BCKDHB: variants seen among roughly 807,000 people sequenced by gnomAD.
BCKDHB encodes branched chain keto acid dehydrogenase E1 subunit beta.
In BCKDHB, 41 loss-of-function variants were observed where a neutral mutation model predicts 48.5. The ratio of observed to expected loss-of-function variants is 0.85; its 90% CI spans 0.66 to 1.10. The LOEUF is 1.10. Among genes scored for constraint, BCKDHB ranks in the 50% least tolerant of loss-of-function variants. The probability of loss-of-function intolerance (pLI) is 0.00; values close to 1 mark genes in which losing one functional copy is unlikely to be tolerated. For synonymous variants in BCKDHB, 201 were observed against 174.8 expected, an observed-to-expected ratio of 1.15 and a Z score of -1.18; for missense variants, 496 against 494.2, an observed-to-expected ratio of 1.00 and a Z score of -0.03.
At chr6:80,204,521 A>T (rs933604696) in intron 8 of BCKDHB, among the ~76,000 whole-genome samples, 1 of 152,108 alleles carries the variant, frequency 6.6e-6, no homozygotes. Context: ...TGTTTGCAAC[A>T]TATATCCACC....
intron 8 of BCKDHB, among the ~76,000 whole-genome samples, chr6:80,219,363 T>C (rs1165511409): frequency 6.6e-6 from 1 of 152,094 alleles, no homozygotes; most frequent in African/African-American, 2.4e-5. Context: ...TGCACCACGA[T>C]GCACCACTAA....
At chr6:80,429,278 T>G in the BCKDHB span, among the ~76,000 whole-genome samples, 1 of 152,218 alleles carries the variant, frequency 6.6e-6, no homozygotes, top group Non-Finnish European at 1.5e-5. Flanking sequence ...ACTGTAGACT[T>G]GTAGTATAGT....
At chr6:80,150,446 G>C (rs1036793445) in intron 3 of BCKDHB, among the ~76,000 whole-genome samples, 1 of 151,366 alleles carries the variant, frequency 6.6e-6, no homozygotes, top group Non-Finnish European at 1.5e-5. Flanking sequence ...AACTGATACA[G>C]TAAATATATT....
chr6:80,353,852 CAA>C, the BCKDHB span, among the ~76,000 whole-genome samples: 1 of 146,920 alleles, frequency 6.8e-6, no homozygotes, highest in African/African-American at 2.6e-5. Context: ...GACTCCGTCT[CAA>C]AAAAAAAATA....
chr6:80,167,801 C>T lies in BCKDHB; in HGVS notation c.467C>T (p.Ala156Val). The T allele has an allele frequency of 6.2e-7, 1 of 1,613,704 alleles. No homozygotes were observed. Among genetic ancestry groups the T allele is most frequent in the Non-Finnish European group, 8.5e-7 (1 of 1,179,810 alleles). Residue 156 changes from alanine (A) to valine (V), a missense_variant, in exon 4 of 10, where the codon GCA (alanine) becomes GTA (valine). By Grantham distance (64) the Ala-to-Val change is moderately conservative (BLOSUM62 0). Transcript: ENST00000320393. ...CAGTTTGCAGATTATATTTTCCCTG[C>T]ATTTGATCAGGTAAGTGAATGAACA... is the stretch of plus-strand genomic sequence containing the variant. ...EIQFADYIFP[A>V]FDQIVNEAAK...
At chr6:80,462,004 T>A in the BCKDHB span, among the ~76,000 whole-genome samples, 1 of 152,142 alleles carries the variant, frequency 6.6e-6, no homozygotes, top group Non-Finnish European at 1.5e-5. Context: ...ATAAAGGTAC[T>A]GGATTTTCCT....
At chr6:80,411,108 G>A in the BCKDHB span, among the ~76,000 whole-genome samples, 1 of 152,032 alleles carries the variant, frequency 6.6e-6, no homozygotes, top group Non-Finnish European at 1.5e-5. Flanking sequence ...CTTTGATGTT[G>A]GTGACCTACA....
chr6:80,430,419 A>G, the BCKDHB span, among the ~76,000 whole-genome samples: 3 of 151,978 alleles, frequency 2.0e-5, no homozygotes, highest in Admixed American at 2.0e-4. Context: ...TGTTGTTTGG[A>G]ATAGTTTCAG....
chr6:80,218,515 A>G (rs1775273338), intron 8 of BCKDHB, among the ~76,000 whole-genome samples: 2 of 152,150 alleles, frequency 1.3e-5, no homozygotes, highest in Admixed American at 1.3e-4. Flanking sequence ...TTTATTCACC[A>G]CTATGACACA....
the BCKDHB span, among the ~76,000 whole-genome samples, chr6:80,376,867 G>A: frequency 6.6e-6 from 1 of 152,080 alleles, no homozygotes; most frequent in Non-Finnish European, 1.5e-5. Flanking sequence ...TATATATTCA[G>A]ATCTTTTGTC....
the BCKDHB span, among the ~76,000 whole-genome samples, chr6:80,385,373 G>C: frequency 6.6e-6 from 1 of 152,208 alleles, no homozygotes; most frequent in East Asian, 1.9e-4. Context: ...TACTGTTAAA[G>C]TGAGAGCACT....
Position 80,273,154 on chromosome 6 carries a change from G to A in BCKDHB, c.971G>A (p.Arg324Gln), listed in dbSNP as rs779150907. The A allele has an allele frequency of 1.4e-5, 23 of 1,613,168 alleles. No individual in the cohort carries two copies. The highest frequency in any genetic ancestry group is 7.7e-5 in the South Asian group (7 of 91,054). ...TTTCAGTCTGTGATCAAAACAGGGC[G>A]ACTGCTAATCAGTCACGAGGCTCCC... ...TICKSVIKTG[R>Q]LLISHEAPLT... The change falls in exon 9 of 10, where the codon CGA becomes CAA. Residue 324 changes from arginine to glutamine, a missense_variant. By Grantham distance (43) the Arg-to-Gln change is conservative (BLOSUM62 1). Coordinates refer to ENST00000320393, the MANE Select transcript of BCKDHB (RefSeq NM_183050.4).
chr6:80,145,907 C>T (rs1009690883), intron 3 of BCKDHB, among the ~76,000 whole-genome samples: 5 of 152,072 alleles, frequency 3.3e-5, no homozygotes, highest in Non-Finnish European at 7.4e-5. Flanking sequence ...TTACAGAGAC[C>T]AATTTATTAG....
At chr6:80,464,313 G>C in the BCKDHB span, among the ~76,000 whole-genome samples, 1 of 152,088 alleles carries the variant, frequency 6.6e-6, no homozygotes, top group Admixed American at 6.6e-5. Flanking sequence ...ATTTTTAGTA[G>C]AGATGGGGTT....
In BCKDHB at chr6:80,273,221, GGTAGA is replaced by G; in HGVS notation, c.1038+4_1038+8del. The G allele has an allele frequency of 6.2e-7, 1 of 1,612,508 alleles. No homozygotes were observed. Among genetic ancestry groups the G allele is most frequent in the South Asian group, 1.1e-5 (1 of 91,052 alleles). The stretch of plus-strand genomic sequence containing the variant: ...CATCGGAAATCAGCTCTACAGTTCA[GGTAGA>G]GTAATTTTTGGAACTGATTTCAATG... On this transcript the variant is annotated splice_donor_variant and splice_donor_5th_base_variant and intron_variant, in intron 9 of 9. Coordinates refer to ENST00000320393, the MANE Select transcript of BCKDHB (RefSeq NM_183050.4). LOFTEE classifies it high-confidence loss of function.
chr6:80,248,249 A>G (rs1776694829), intron 8 of BCKDHB, among the ~76,000 whole-genome samples: 1 of 151,862 alleles, frequency 6.6e-6, no homozygotes, highest in Non-Finnish European at 1.5e-5. Context: ...CATCTTTTCC[A>G]CTGTTTAATC....
At chr6:80,293,136 G>A (rs147657302) in intron 9 of BCKDHB, among the ~76,000 whole-genome samples, 64 of 152,210 alleles carry the variant, frequency 4.2e-4, no homozygotes, top group African/African-American at 1.3e-3. Flanking sequence ...GGCCCTCTTC[G>A]CACGCTCCAC....
intron 9 of BCKDHB, among the ~76,000 whole-genome samples, chr6:80,293,527 C>G (rs1360185397): frequency 2.0e-5 from 3 of 152,150 alleles, no homozygotes; most frequent in Admixed American, 6.5e-5. Flanking sequence ...TCCTAGGCCT[C>G]TAGGCCTGTG....
At chr6:80,247,540 T>A (rs184244930) in intron 8 of BCKDHB, among the ~76,000 whole-genome samples, 8 of 152,338 alleles carry the variant, frequency 5.3e-5, no homozygotes, top group Admixed American at 5.2e-4. Context: ...GATCAAAGTT[T>A]AAATTCTGAT....
Sources: allele counts gnomAD v4.1 joint callset (sites outside exome capture counted in the v4.1 genomes callset), GRCh38; gene constraint gnomAD v4.1.1; transcripts MANE v1.5; gene names NCBI Gene and HGNC (gene_info 2026-07-23, HGNC 2026-07-21).